NRXN3: variants seen among roughly 807,000 people sequenced by gnomAD.
NRXN3 encodes the protein neurexin 3.
NRXN3 carries 32 observed loss-of-function variants against 137.6 expected under a neutral mutation model. The observed-to-expected ratio is 0.23, with a 90% CI of 0.18 to 0.31. The LOEUF (loss-of-function observed/expected upper bound fraction) is 0.31, where lower values mean the gene tolerates loss of function less well. NRXN3 is among the 10% of genes least tolerant of loss of function. The probability of loss-of-function intolerance (pLI) is 1.00; values close to 1 mark genes in which losing one functional copy is unlikely to be tolerated. For synonymous variants in NRXN3, 798 were observed against 784.5 expected (o/e 1.02, Z -0.29); for missense variants, 1,574 against 2,062.5 (o/e 0.76, Z 4.59).
At chr14:78,663,272 G>T (rs1358300879) in intron 6 of NRXN3, among the ~76,000 whole-genome samples, 1 of 152,174 alleles carries the variant, frequency 6.6e-6, no homozygotes, top group Admixed American at 6.5e-5. Context: ...GTAAGGAATT[G>T]TCTCTCACTA....
intron 15 of NRXN3, among the ~76,000 whole-genome samples, chr14:79,080,245 A>G (rs1330126098): frequency 6.6e-6 from 1 of 152,172 alleles, no homozygotes; most frequent in Non-Finnish European, 1.5e-5. Flanking sequence ...TTAAGCGTCT[A>G]AAGTGTCCTT....
chr14:79,690,312 A>G (rs966728314), intron 17 of NRXN3, among the ~76,000 whole-genome samples: 4 of 152,188 alleles, frequency 2.6e-5, no homozygotes, highest in African/African-American at 9.6e-5. Flanking sequence ...AAGGTAGACC[A>G]TTATAATGAT....
chr14:79,528,763 T>C (rs755570366), intron 16 of NRXN3, among the ~76,000 whole-genome samples: 4 of 152,252 alleles, frequency 2.6e-5, no homozygotes, highest in Non-Finnish European at 5.9e-5. Flanking sequence ...TGATGTGCCT[T>C]TTGTCATGGA....
intron 19 of NRXN3, among the ~76,000 whole-genome samples, chr14:79,717,487 G>A (rs1017919963): frequency 6.6e-6 from 1 of 152,210 alleles, no homozygotes; most frequent in African/African-American, 2.4e-5. Context: ...ATCAGTGAGA[G>A]ACTGGGTCAG....
chr14:78,725,380 G>A (rs982565508), intron 8 of NRXN3, among the ~76,000 whole-genome samples: 4 of 152,248 alleles, frequency 2.6e-5, no homozygotes, highest in Non-Finnish European at 2.9e-5. Context: ...ATCCTGGAAA[G>A]CATCCTTTCT....
In NRXN3 at chr14:79,867,700, CA is replaced by C. The variant is rs2099418589; in HGVS notation, c.*5739del. The C allele has an allele frequency of 6.6e-6, 1 of 152,116 alleles. No individual in the cohort carries two copies. Among genetic ancestry groups the C allele is most frequent in the South Asian group, 2.1e-4 (1 of 4,822 alleles). 9.4% of individuals were successfully genotyped at this position (152,116 alleles called of 1,614,324 possible). On this transcript the variant is annotated 3_prime_UTR_variant, in exon 21 of 21. Transcript: ENST00000335750. Reference sequence around the variant, plus strand: ...GTGGGAATTGCAAAGGTTGAAGTTCCAAAGTATCAAGGGAATCAGAATTGGG... The same window carrying C: ...GTGGGAATTGCAAAGGTTGAAGTTCCAAGTATCAAGGGAATCAGAATTGGG...
chr14:79,267,062 A>G (rs2078554948), intron 15 of NRXN3, among the ~76,000 whole-genome samples: 1 of 152,226 alleles, frequency 6.6e-6, no homozygotes, highest in Non-Finnish European at 1.5e-5. Context: ...AGATATGTAA[A>G]CTAATTATTA....
chr14:78,332,120 A>G (rs1196073039), intron 4 of NRXN3, among the ~76,000 whole-genome samples: 1 of 152,106 alleles, frequency 6.6e-6, no homozygotes, highest in Non-Finnish European at 1.5e-5. Flanking sequence ...AAAAGGGAGT[A>G]ATAATGAAGA....
intron 10 of NRXN3, among the ~76,000 whole-genome samples, chr14:78,879,202 T>C (rs1465297063): frequency 2.0e-5 from 3 of 152,364 alleles, no homozygotes; most frequent in Admixed American, 1.3e-4. Context: ...TCATTCTGAA[T>C]TCTTTTCCTT....
Position 78,242,946 on chromosome 14 carries a change from G to A in NRXN3, c.-148G>A. On this transcript the variant is annotated 5_prime_UTR_variant, in exon 2 of 21. Coordinates refer to ENST00000335750, the MANE Select transcript of NRXN3 (RefSeq NM_001330195.2). ...CTTTCCTCCATCTCCACTATCTCAG[G>A]ATCTGTGTGTGTGCTGCCTTCCTCC... 3 of 607,924 alleles carry A rather than the reference G, an allele frequency of 4.9e-6. No individual in the cohort carries two copies. Among genetic ancestry groups the A allele is most frequent in the East Asian group, 2.8e-5 (1 of 35,958 alleles). The allele number at this position is 607,924 out of a possible 1,614,324, so 37.7% of individuals were successfully genotyped here.
chr14:79,415,912 C>G (rs1019128294), intron 15 of NRXN3, among the ~76,000 whole-genome samples: 15 of 152,090 alleles, frequency 9.9e-5, no homozygotes, highest in African/African-American at 3.6e-4. Flanking sequence ...CTGCATTTAA[C>G]AGATTTCTTG....
chr14:78,502,107 G>A (rs2095889063), intron 4 of NRXN3, among the ~76,000 whole-genome samples: 2 of 152,106 alleles, frequency 1.3e-5, no homozygotes, highest in African/African-American at 2.4e-5. Flanking sequence ...CACGTGACCA[G>A]TATTTCACAG....
At chr14:78,972,452 G>A (rs74988602) in intron 14 of NRXN3, among the ~76,000 whole-genome samples, 12,717 of 152,202 alleles carry the variant, frequency 0.084, 810 homozygotes, top group Non-Finnish European at 0.11. Flanking sequence ...CACAAGGGGT[G>A]CACTCGAGTG....
At chr14:78,330,123 CAG>C (rs922446267) in intron 4 of NRXN3, among the ~76,000 whole-genome samples, 3 of 152,226 alleles carry the variant, frequency 2.0e-5, no homozygotes, top group East Asian at 1.9e-4. Flanking sequence ...CACAGTTAAA[CAG>C]AGAATATTTT....
intron 14 of NRXN3, among the ~76,000 whole-genome samples, chr14:78,980,200 G>T (rs1254777769): frequency 6.6e-6 from 1 of 152,168 alleles, no homozygotes; most frequent in East Asian, 1.9e-4. Context: ...CCCACTCCTG[G>T]GTCACCAGCC....
intron 4 of NRXN3, among the ~76,000 whole-genome samples, chr14:78,449,236 G>A (rs1249511894): frequency 1.3e-5 from 2 of 151,998 alleles, no homozygotes; most frequent in African/African-American, 4.8e-5. Context: ...TTTTTGAGAT[G>A]GTGTCTCACT....
At chr14:79,604,801 G>C (rs964895882) in intron 16 of NRXN3, among the ~76,000 whole-genome samples, 6 of 152,044 alleles carry the variant, frequency 3.9e-5, no homozygotes, top group African/African-American at 4.8e-5. Context: ...GGAGGCTGAG[G>C]CGGGCGGATC....
At position 79,663,892 on chromosome 14, in the gene NRXN3, G is replaced by A. The variant is rs1261180773; in HGVS notation, c.3559G>A (p.Gly1187Ser). The A allele has an allele frequency of 2.5e-6, 4 of 1,613,568 alleles. No individual in the cohort carries two copies. Among genetic ancestry groups the A allele is most frequent in the South Asian group, 1.1e-5 (1 of 91,084 alleles). Residue 1187 changes from glycine to serine, a missense_variant, in exon 17 of 21, where the codon GGC becomes AGC. Around this residue, in one of 5 missense-constraint regions of NRXN3, gnomAD observed 133 missense variants for 241.8 expected, o/e 0.55. Transcript: ENST00000335750. ...CCATGTGGTACGCTTCACCAGGAAC[G>A]GCGGCAACGCCACCCTGCAGGTGGA... is the stretch of plus-strand genomic sequence containing the variant. ...KYHVVRFTRN[G>S]GNATLQVDNW... is the part of the protein sequence containing the mutation.
intron 4 of NRXN3, among the ~76,000 whole-genome samples, chr14:78,481,239 GTC>G (rs2095468938): frequency 6.6e-6 from 1 of 152,204 alleles, no homozygotes; most frequent in Non-Finnish European, 1.5e-5. Flanking sequence ...GTGAATGATA[GTC>G]TCTGTAGGGG....
Sources: gnomAD v4.1 joint callset for allele counts (sites outside exome capture counted in the v4.1 genomes callset) on GRCh38, gnomAD v4.1.1 for gene constraint, gnomAD v4.1.1 regional missense constraint, MANE v1.5 for transcripts, NCBI Gene and HGNC (gene_info 2026-07-23, HGNC 2026-07-21) for gene names.